Variants in ROBO2 observed in about 807,000 individuals in gnomAD.
The protein encoded by ROBO2 is roundabout guidance receptor 2, also known as roundabout homolog 2.
In ROBO2, 53 loss-of-function variants were observed where a neutral mutation model predicts 160.8. The observed-to-expected ratio is 0.33, with a 90% CI of 0.26 to 0.41. The LOEUF (loss-of-function observed/expected upper bound fraction) is 0.41. Among genes scored for constraint, ROBO2 ranks in the 10% least tolerant of loss-of-function variants. The pLI is 1.00. For synonymous variants in ROBO2, 664 were observed against 611.7 expected (o/e 1.09, Z -1.26); for missense variants, 1,577 against 1,722.4 (o/e 0.92, Z 1.49).
chr3:77,589,123 T>G (rs1559676488), intron 17 of ROBO2, among the ~76,000 whole-genome samples, 190 bp downstream of exon 18: 1 of 152,116 alleles, frequency 6.6e-6, no homozygotes, highest in Non-Finnish European at 1.5e-5. Context: ...CATAAGGCAG[T>G]CTGTTTGCTT....
intron 2 of ROBO2, among the ~76,000 whole-genome samples, chr3:76,478,019 T>TTTATTA (rs147308707): frequency 1.2e-3 from 183 of 148,980 alleles, no homozygotes; most frequent in African/African-American, 3.0e-3. Flanking sequence ...CCGCTACTTC[T>TTTATTA]TTATTATTAT....
At chr3:76,339,869 T>G (rs570958811) in intron 2 of ROBO2, among the ~76,000 whole-genome samples, 22 of 152,152 alleles carry the variant, frequency 1.4e-4, no homozygotes, top group Non-Finnish European at 2.6e-4. Flanking sequence ...TGTTTGTGTC[T>G]GTAACACAAA....
chr3:77,250,601 T>C (rs539566610), intron 2 of ROBO2, among the ~76,000 whole-genome samples: 1 of 152,334 alleles, frequency 6.6e-6, no homozygotes, highest in East Asian at 1.9e-4. Flanking sequence ...CTGACTGTCT[T>C]AGTCTCTTGT....
At chr3:76,702,094 A>G (rs1489867552) in intron 2 of ROBO2, among the ~76,000 whole-genome samples, 1 of 152,060 alleles carries the variant, frequency 6.6e-6, no homozygotes, top group African/African-American at 2.4e-5. Context: ...ATGACCATGT[A>G]TTATATTTTC....
At chr3:76,702,297 G>A (rs947681892) in intron 2 of ROBO2, among the ~76,000 whole-genome samples, 4 of 152,022 alleles carry the variant, frequency 2.6e-5, no homozygotes, top group African/African-American at 9.7e-5. Flanking sequence ...TACCTAGATT[G>A]ATGTATGCAA....
intron 2 of ROBO2, among the ~76,000 whole-genome samples, chr3:76,119,164 A>C (rs984536802): frequency 2.6e-5 from 4 of 152,286 alleles, no homozygotes; most frequent in Non-Finnish European, 5.9e-5. Flanking sequence ...GGCTGTTTTT[A>C]TTCATGAATA....
chr3:76,662,971 C>T (rs1190897223), intron 2 of ROBO2, among the ~76,000 whole-genome samples: 3 of 152,128 alleles, frequency 2.0e-5, no homozygotes, highest in Admixed American at 1.3e-4. Context: ...CAGGGTCAGA[C>T]TTGGATTTTA....
Position 77,632,542 on chromosome 3 carries a change from G to A in ROBO2, c.3761-2328G>A, listed in dbSNP as rs1451169895. On this transcript the variant is annotated intron_variant, in intron 23 of 25. Transcript: ENST00000461745. ...TAACTTTTCTAGTCATAGATCTAGT[G>A]TAGGTAGCTCCTCAGATGGCTCTAT... 3.9e-6 allele frequency: 6 copies of A among 1,535,758 alleles called. No individual in the cohort carries two copies. The East Asian group carries it at 1.2e-4, about 31-fold the overall frequency.
In ROBO2 at chr3:77,117,352, CA is replaced by C. The variant is rs538463766; in HGVS notation, c.388+19015del. On this transcript the variant is annotated intron_variant, in intron 2 of 25. Transcript: ENST00000461745. ...AAATTACCAAAATAAAACCCCAACT[CA>C]AATACCTATGATACTAAATCTTTTA... 1.5e-4 allele frequency among the ~76,000 whole-genome samples: 23 copies of C among 152,246 alleles called. No individual in the cohort carries two copies. The East Asian group carries it at 3.5e-3, about 23-fold the overall frequency.
intron 2 of ROBO2, among the ~76,000 whole-genome samples, chr3:76,307,476 T>A (rs1233370274): frequency 6.6e-6 from 1 of 151,976 alleles, no homozygotes; most frequent in Non-Finnish European, 1.5e-5. Flanking sequence ...CATGTTTTCC[T>A]TTGAGCACGA....
At chr3:76,787,292 A>G (rs1400710198) in intron 2 of ROBO2, among the ~76,000 whole-genome samples, 1 of 149,802 alleles carries the variant, frequency 6.7e-6, no homozygotes. Flanking sequence ...CAACATGTGA[A>G]GTTTGAATTT....
chr3:76,351,787 T>C (rs1039777338), intron 2 of ROBO2, among the ~76,000 whole-genome samples: 1 of 152,004 alleles, frequency 6.6e-6, no homozygotes, highest in African/African-American at 2.4e-5. Context: ...ATCTACCTAC[T>C]ATTAACTATG....
chr3:76,297,206 C>A (rs1709118900), intron 2 of ROBO2, among the ~76,000 whole-genome samples: 2 of 152,192 alleles, frequency 1.3e-5, no homozygotes, highest in African/African-American at 4.8e-5. Flanking sequence ...TCTCCTTTTA[C>A]AGATAAGGAA....
At chr3:76,389,672 C>T (rs2077056006) in intron 2 of ROBO2, among the ~76,000 whole-genome samples, 1 of 152,056 alleles carries the variant, frequency 6.6e-6, no homozygotes, top group Admixed American at 6.5e-5. Context: ...ATACATTATC[C>T]CCATAAGACA....
chr3:76,950,800 C>T (rs1458516483), intron 2 of ROBO2, among the ~76,000 whole-genome samples: 2 of 152,306 alleles, frequency 1.3e-5, no homozygotes, highest in South Asian at 4.1e-4. Context: ...AACCACAGCT[C>T]ACTGCTGCCT....
At chr3:77,329,568 C>G (rs2065781461) in intron 2 of ROBO2, among the ~76,000 whole-genome samples, 1 of 152,160 alleles carries the variant, frequency 6.6e-6, no homozygotes, top group Admixed American at 6.5e-5. Flanking sequence ...AATTCCAAAA[C>G]AAAGAGTTCA....
At chr3:76,104,151 A>G (rs1304325086) in intron 2 of ROBO2, among the ~76,000 whole-genome samples, 1 of 152,188 alleles carries the variant, frequency 6.6e-6, no homozygotes, top group East Asian at 1.9e-4. Flanking sequence ...AAAATATACA[A>G]CTTCTAGAGA....
rs115224195 is a variant in ROBO2 at position 76,782,801 on chromosome 3, C to T, written c.110-315213C>T. Among the ~76,000 whole-genome samples, 502 of 150,580 alleles carry T rather than the reference C, an allele frequency of 3.3e-3. 1 individual carries two copies. The highest frequency in any genetic ancestry group is 5.9e-3 in the Non-Finnish European group (398 of 66,944). On this transcript the variant is annotated intron_variant, in intron 2 of 26. Coordinates refer to the ROBO2 transcript ENST00000487694. ...CTAAAGTGAGTCTCTTGTAGAATCT[C>T]GTTTTTTTATCCTTTAGTCACTATA...
At chr3:76,521,108 G>A (rs559650001) in intron 2 of ROBO2, among the ~76,000 whole-genome samples, 29 of 147,618 alleles carry the variant, frequency 2.0e-4, no homozygotes, top group African/African-American at 7.1e-4. Flanking sequence ...GAGTGCAGCG[G>A]TGTGCTCTCA....
Sources: gnomAD v4.1 joint callset for allele counts (sites outside exome capture counted in the v4.1 genomes callset) on GRCh38, gnomAD v4.1.1 for gene constraint, MANE v1.5 for transcripts, NCBI Gene and HGNC (gene_info 2026-07-23, HGNC 2026-07-21) for gene names.